PAICS: variants seen among roughly 807,000 people sequenced by gnomAD.
PAICS encodes the protein phosphoribosylaminoimidazole carboxylase and phosphoribosylaminoimidazolesuccinocarboxamide synthase.
Under a neutral mutation model 53.7 loss-of-function variants are expected in PAICS, and 33 were observed. The ratio of observed to expected loss-of-function variants is 0.61; its 90% CI spans 0.47 to 0.82. The LOEUF is 0.82. PAICS is among the 40% of genes least tolerant of loss of function. The pLI is 0.00. For missense variants in PAICS, 394 were observed against 494.1 expected (o/e 0.80, Z 1.92); for synonymous variants, 141 against 167.2 (o/e 0.84, Z 1.21).
intron 2 of PAICS, among the ~76,000 whole-genome samples, chr4:56,445,102 G>A (rs1718543193): frequency 6.6e-6 from 1 of 151,910 alleles, no homozygotes; most frequent in Admixed American, 6.6e-5. Context: ...TAGGGTTTCT[G>A]TTCATGCAAC....
At chr4:56,436,821 C>G (rs1718008111) in intron 1 of PAICS, among the ~76,000 whole-genome samples, 1 of 152,130 alleles carries the variant, frequency 6.6e-6, no homozygotes, top group Non-Finnish European at 1.5e-5. Flanking sequence ...ATGGCGAAAC[C>G]CCGTCTCTTA....
At chr4:56,429,002 G>T in the PAICS span, 31 of 966,880 alleles carry the variant, frequency 3.2e-5, no homozygotes, top group African/African-American at 5.1e-4. Flanking sequence ...AGCACATGAA[G>T]ATGGTAAGAG....
intron 7 of PAICS, 56 bp downstream of exon 7, chr4:56,452,108 T>A (rs960931702): frequency 3.5e-6 from 4 of 1,153,030 alleles, no homozygotes; most frequent in Admixed American, 2.4e-5. Flanking sequence ...TAAAAGTAAT[T>A]ACACACTTTA....
the PAICS span, among the ~76,000 whole-genome samples, chr4:56,426,415 A>G: frequency 6.6e-6 from 1 of 151,616 alleles, no homozygotes; most frequent in Non-Finnish European, 1.5e-5. Flanking sequence ...AAAAAAAAAG[A>G]AAGAAACCCC....
At chr4:56,441,008 C>A (rs906336403) in intron 1 of PAICS, among the ~76,000 whole-genome samples, 4 of 152,164 alleles carry the variant, frequency 2.6e-5, no homozygotes, top group Non-Finnish European at 4.4e-5. Flanking sequence ...CAATTTCTTA[C>A]AACTGTTAGT....
intron 7 of PAICS, 78 bp downstream of exon 7, chr4:56,452,130 C>T (rs903721019): frequency 1.1e-6 from 1 of 905,338 alleles, no homozygotes; most frequent in African/African-American, 1.7e-5. Context: ...ACTAATAATG[C>T]TGAAAAAAGA....
At chr4:56,436,178 G>A (rs1717932455), upstream of PAICS, 1 of 1,506,060 alleles carries the variant, frequency 6.6e-7, no homozygotes. Context: ...GGCTGTAGCG[G>A]AGCTCGAAAA....
At chr4:56,430,170 T>C in the PAICS span, among the ~76,000 whole-genome samples, 1 of 152,184 alleles carries the variant, frequency 6.6e-6, no homozygotes, top group Admixed American at 6.5e-5. Context: ...ATTTCAGCTG[T>C]TTCCAGATTG....
upstream of PAICS, among the ~76,000 whole-genome samples, chr4:56,431,830 C>T (rs13147824): frequency 0.68 from 103,286 of 152,086 alleles, 35,204 homozygotes; most frequent in South Asian, 0.76. Context: ...TTCAGAACTC[C>T]GCAAACTACT....
At chr4:56,447,851 A>G (rs981588990) in intron 3 of PAICS, among the ~76,000 whole-genome samples, 9 of 152,090 alleles carry the variant, frequency 5.9e-5, no homozygotes, top group African/African-American at 2.2e-4. Context: ...ATTGCTTTGA[A>G]TTAAGGAGTA....
At chr4:56,434,233 A>G (rs759004229), upstream of PAICS, among the ~76,000 whole-genome samples, 1 of 152,218 alleles carries the variant, frequency 6.6e-6, no homozygotes, top group African/African-American at 2.4e-5. Context: ...TGTGAAACTG[A>G]AATTGAAGTA....
chr4:56,425,452 C>G, the PAICS span: 1 of 885,706 alleles, frequency 1.1e-6, no homozygotes, highest in African/African-American at 1.8e-5. Context: ...AAAGCTCAGA[C>G]ATAGGTATGC....
chr4:56,438,400 T>TATATATATATAA lies in PAICS; in HGVS notation c.16+2075_16+2076insTATATATAAATA, dbSNP rs1030859728. ...ATATATATATATATATATATATATA[T>TATATATATATAA]ATAAAAGGTTTTTTTTGTTGTTGTT... is the stretch of plus-strand genomic sequence containing the variant. On this transcript the variant is annotated intron_variant, in intron 1 of 8. Coordinates refer to ENST00000512576, the MANE Select transcript of PAICS (RefSeq NM_001079524.2). Among the ~76,000 whole-genome samples the TATATATATATAA allele has an allele frequency of 2.1e-5, 3 of 144,702 alleles. 1 individual carries two copies. In the South Asian group the frequency reaches 6.5e-4, roughly 31 times the overall value. The allele number at this position is 144,702 out of a possible 152,430, so 94.9% of individuals were successfully genotyped here.
chr4:56,445,076 C>CTTTTCATTT (rs1322059879), intron 2 of PAICS, among the ~76,000 whole-genome samples: 2 of 152,096 alleles, frequency 1.3e-5, no homozygotes, highest in Non-Finnish European at 2.9e-5. Context: ...TACTTCCCCT[C>CTTTTCATTT]TTTTCATTTT....
At chr4:56,454,613 C>G (rs796518688) in intron 8 of PAICS, among the ~76,000 whole-genome samples, 8 of 152,192 alleles carry the variant, frequency 5.3e-5, no homozygotes, top group African/African-American at 1.9e-4. Flanking sequence ...AAATATATAA[C>G]AATTCATCCT....
chr4:56,430,357 A>C, the PAICS span, among the ~76,000 whole-genome samples: 8 of 152,112 alleles, frequency 5.3e-5, no homozygotes, highest in Non-Finnish European at 1.2e-4. Context: ...GGTAGGTGCT[A>C]TTATTATACC....
chr4:56,446,743 C>T lies in PAICS; in HGVS notation c.263C>T (p.Ala88Val). 6.2e-7 allele frequency: 1 copy of T among 1,605,670 alleles called. No homozygotes were observed. The highest frequency in any genetic ancestry group is 8.5e-7 in the Non-Finnish European group (1 of 1,175,222). Reference sequence around the variant, plus strand: ...AAATGTGGGGAGACAGCTTTCATTGCACCGCAGTGTGAAATGATTCCAATT... The same window carrying T: ...AAATGTGGGGAGACAGCTTTCATTGTACCGCAGTGTGAAATGATTCCAATT... ...TRKCGETAFIAPQCEMIPIEW... is the reference protein window; with the variant it reads ...TRKCGETAFIVPQCEMIPIEW... Residue 88 changes from alanine to valine, a missense_variant, in exon 3 of 9, where the codon GCA (alanine) becomes GTA (valine). Around this residue, in one of 3 missense-constraint regions of PAICS, gnomAD observed 168 missense variants for 199.3 expected, o/e 0.84. Transcript: ENST00000512576.
the PAICS span, chr4:56,422,967 G>T: frequency 6.6e-6 from 1 of 152,116 alleles, no homozygotes; most frequent in African/African-American, 2.4e-5. Context: ...AGTCTTCCAG[G>T]TTATAATGAT....
At chr4:56,422,902 G>A in the PAICS span, 1 of 152,086 alleles carries the variant, frequency 6.6e-6, no homozygotes, top group East Asian at 1.9e-4. Flanking sequence ...CAAATTCTTG[G>A]GCCCCATCCA....
Sources: allele counts gnomAD v4.1 joint callset (sites outside exome capture counted in the v4.1 genomes callset), GRCh38; gene constraint gnomAD v4.1.1; regional missense constraint gnomAD v4.1.1; transcripts MANE v1.5; gene names NCBI Gene and HGNC (gene_info 2026-07-23, HGNC 2026-07-21).